Variants in DNAH8 observed in about 807,000 individuals in gnomAD.
DNAH8 encodes axonemal beta dynein heavy chain 8.
A neutral mutation model predicts 562.1 loss-of-function variants in DNAH8; 382 were observed. The observed-to-expected ratio is 0.68, with a 90% CI of 0.63 to 0.74. The LOEUF is 0.74. Among genes scored for constraint, DNAH8 ranks in the 30% least tolerant of loss-of-function variants. The pLI, the probability that DNAH8 is intolerant of heterozygous loss-of-function variation, is 0.00. For synonymous variants in DNAH8, 1,881 were observed against 1,919.4 expected, an observed-to-expected ratio of 0.98 and a Z score of 0.52; for missense variants, 5,203 against 5,620.4, an observed-to-expected ratio of 0.93 and a Z score of 2.37.
At chr6:38,799,744 A>G (rs1371103507) in intron 21 of DNAH8, among the ~76,000 whole-genome samples, 2 of 151,926 alleles carry the variant, frequency 1.3e-5, no homozygotes, top group Non-Finnish European at 2.9e-5. Context: ...CTTCGTCCTC[A>G]TTAGTCATTC....
rs756095011 is a variant in DNAH8 at position 38,848,632 on chromosome 6, C to T, written c.5046-16C>T. ...ATCTTCTTTGAAATGTGATTTTTTC[C>T]GTTCTTACCTTTTAGATACAATGCT... On this transcript the variant is annotated splice_polypyrimidine_tract_variant and intron_variant, in intron 36 of 92. Transcript: ENST00000327475. 9 of 1,586,980 alleles carry T rather than the reference C, an allele frequency of 5.7e-6. No homozygotes were observed. The highest frequency in any genetic ancestry group is 2.2e-5 in the East Asian group (1 of 44,554).
Position 38,883,921 on chromosome 6 carries a change from G to C in DNAH8, c.8182G>C (p.Gly2728Arg), listed in dbSNP as rs770575477. ...GGATAAGCGAATTGGAAGCACATAT[G>C]GGCCACCAGGAGGGAGAAAAATGAC... Reference protein sequence around the residue: ...YVDKRIGSTYGPPGGRKMTVF... With the variant: ...YVDKRIGSTYRPPGGRKMTVF... The change falls in exon 56 of 93, where the codon GGG becomes CGG. Residue 2728 changes from glycine to arginine, a missense_variant. Physicochemically the swap from Gly to Arg is moderately radical, Grantham distance 125. This residue lies in a region of DNAH8 where 977 missense variants were observed against 1,061.8 expected (regional missense o/e 0.92). Coordinates refer to ENST00000327475, the MANE Select transcript of DNAH8 (RefSeq NM_001206927.2). 1 of 1,591,846 alleles carries C rather than the reference G, an allele frequency of 6.3e-7. No individual in the cohort carries two copies. The highest frequency in any genetic ancestry group is 8.6e-7 in the Non-Finnish European group (1 of 1,167,674).
Position 38,815,544 on chromosome 6 carries a change from G to T in DNAH8, c.3410G>T (p.Gly1137Val). Residue 1137 changes from glycine (G) to valine (V), a missense_variant, in exon 26 of 93, where the codon GGA becomes GTA. Gly to Val is a moderately radical substitution (Grantham distance 109). Around this residue, in one of 6 missense-constraint regions of DNAH8, gnomAD observed 2,176 missense variants for 2,365.1 expected, o/e 0.92. Transcript: ENST00000327475. ...CAGTTAACCCTGGAGGTCAGCAGAGGAGTGGCTCACTGGGGGCAACAGCAA... is the reference window on the plus strand; with the variant it reads ...CAGTTAACCCTGGAGGTCAGCAGAGTAGTGGCTCACTGGGGGCAACAGCAA... ...MIQLTLEVSR[G>V]VAHWGQQQIR... 6 of 1,614,048 alleles carry T rather than the reference G, an allele frequency of 3.7e-6. No homozygotes were observed. Among genetic ancestry groups the T allele is most frequent in the Non-Finnish European group, 5.1e-6 (6 of 1,179,936 alleles).
At chr6:38,991,970 CTT>C (rs35933572) in intron 88 of DNAH8, among the ~76,000 whole-genome samples, 10 of 147,886 alleles carry the variant, frequency 6.8e-5, no homozygotes, top group Non-Finnish European at 9.0e-5. Context: ...ATACTCTACA[CTT>C]TTTTTTTTTT....
At chr6:38,914,311 GTTT>G (rs869139440) in intron 67 of DNAH8, among the ~76,000 whole-genome samples, 1 of 136,078 alleles carries the variant, frequency 7.3e-6, no homozygotes, top group Non-Finnish European at 1.6e-5. Flanking sequence ...AGTTGGTAGA[GTTT>G]TTTTTTTTAA....
At chr6:38,978,958 C>T (rs1297197375) in intron 85 of DNAH8, among the ~76,000 whole-genome samples, 2 of 152,216 alleles carry the variant, frequency 1.3e-5, no homozygotes, top group South Asian at 2.1e-4. Flanking sequence ...TCCCTTCTGT[C>T]GAATGAAGTT....
chr6:38,912,601 C>G (rs1256561206), intron 66 of DNAH8, among the ~76,000 whole-genome samples: 1 of 152,172 alleles, frequency 6.6e-6, no homozygotes, highest in African/African-American at 2.4e-5. Context: ...TTGCAGCTTT[C>G]CTATATGATG....
intron 49 of DNAH8, among the ~76,000 whole-genome samples, chr6:38,871,714 A>G (rs1777478214): frequency 6.6e-6 from 1 of 152,034 alleles, no homozygotes; most frequent in South Asian, 2.1e-4. Flanking sequence ...CTCTTGTACC[A>G]TTTCCACGTG....
chr6:38,844,143 C>A (rs1337874806), intron 35 of DNAH8, among the ~76,000 whole-genome samples: 1 of 152,008 alleles, frequency 6.6e-6, no homozygotes, highest in Non-Finnish European at 1.5e-5. Flanking sequence ...GACCCCAGCC[C>A]AGGTACTCCT....
Position 38,813,706 on chromosome 6 carries a change from A to G in DNAH8, c.3258-348A>G, listed in dbSNP as rs140607526. On this transcript the variant is annotated intron_variant, in intron 24 of 92. Coordinates refer to ENST00000327475, the MANE Select transcript of DNAH8 (RefSeq NM_001206927.2). ...CCTGTTTAATCTTGTGAAAATATAG[A>G]TAAAGAAGCATATAAAAGTATATGC... Among the ~76,000 whole-genome samples the G allele has an allele frequency of 3.7e-3, 565 of 152,280 alleles. 3 individuals are homozygous for G. The highest frequency in any genetic ancestry group is 0.013 in the African/African-American group (537 of 41,552).
chr6:38,817,357 CA>C (rs1292623720), intron 26 of DNAH8, among the ~76,000 whole-genome samples: 2 of 152,090 alleles, frequency 1.3e-5, no homozygotes, highest in East Asian at 3.9e-4. Context: ...AAACAAAAAA[CA>C]AAAACACCCC....
chr6:38,995,296 G>A lies in DNAH8; in HGVS notation c.13214+5124G>A, dbSNP rs1385238617. 4.6e-5 allele frequency among the ~76,000 whole-genome samples: 7 copies of A among 152,036 alleles called. No individual in the cohort carries two copies. The South Asian group carries it at 1.2e-3, about 27-fold the overall frequency. The stretch of plus-strand genomic sequence containing the variant: ...GGTTCGGAGGTATTATTCTCCTAAG[G>A]TAGTGATATACTCTATTAATGGTTC... On this transcript the variant is annotated intron_variant, in intron 88 of 92. Coordinates refer to ENST00000327475, the MANE Select transcript of DNAH8 (RefSeq NM_001206927.2).
At position 38,926,658 on chromosome 6, in the gene DNAH8, A is replaced by G. The variant is rs1254572530; in HGVS notation, c.11118+448A>G. ...GAGTAGACAAGGGCAGGATTCCAAC[A>G]TTCCTGACTCCCTTAGGGATTCTGT... is the stretch of plus-strand genomic sequence containing the variant. On this transcript the variant is annotated intron_variant, in intron 74 of 92. Transcript: ENST00000327475. 2.0e-5 allele frequency among the ~76,000 whole-genome samples: 3 copies of G among 152,146 alleles called. No individual in the cohort carries two copies. The East Asian group carries it at 5.8e-4, about 29-fold the overall frequency.
intron 1 of DNAH8, 49 bp from the exon 2 acceptor site, chr6:38,722,727 C>T (rs866656092): frequency 7.1e-7 from 1 of 1,414,970 alleles, no homozygotes; most frequent in Middle Eastern, 2.0e-4. Flanking sequence ...TAAAAACGTA[C>T]AACACTCAAT....
intron 57 of DNAH8, among the ~76,000 whole-genome samples, chr6:38,888,878 T>C (rs887414642): frequency 6.6e-6 from 1 of 152,230 alleles, no homozygotes; most frequent in African/African-American, 2.4e-5. Context: ...GTACCACTTC[T>C]AGGTTTATGC....
At position 38,876,339 on chromosome 6, in the gene DNAH8, T is replaced by G. The variant is rs182412757; in HGVS notation, c.7858+511T>G. 8.5e-5 allele frequency among the ~76,000 whole-genome samples: 12 copies of G among 141,092 alleles called. No individual in the cohort carries two copies. The East Asian group carries it at 3.1e-3, about 37-fold the overall frequency. The allele number at this position is 141,092 out of a possible 152,430, so 92.6% of individuals were successfully genotyped here. Reference sequence around the variant, plus strand: ...TTAAAAGAAATGCCTTTGAACTTGGTGCTTTCATCCAGAGCCCAGGCCCTG... The same window carrying G: ...TTAAAAGAAATGCCTTTGAACTTGGGGCTTTCATCCAGAGCCCAGGCCCTG... On this transcript the variant is annotated intron_variant, in intron 53 of 92. Transcript: ENST00000327475.
At chr6:38,808,206 C>T (rs529847109) in intron 24 of DNAH8, among the ~76,000 whole-genome samples, 34 of 152,282 alleles carry the variant, frequency 2.2e-4, no homozygotes, top group African/African-American at 7.9e-4. Context: ...TTTTTGCTAT[C>T]ATGAATAAAG....
intron 73 of DNAH8, among the ~76,000 whole-genome samples, 185 bp downstream of exon 73, chr6:38,924,347 A>G (rs1336655340): frequency 6.6e-6 from 1 of 152,062 alleles, no homozygotes; most frequent in South Asian, 2.1e-4. Context: ...CCCCATCTCT[A>G]CTAAAAATAC....
chr6:38,844,758 A>C (rs528696764), intron 35 of DNAH8, among the ~76,000 whole-genome samples: 1 of 152,270 alleles, frequency 6.6e-6, no homozygotes, highest in Admixed American at 6.5e-5. Flanking sequence ...TACTGGACTC[A>C]CTGCCTCTAA....
Sources: gnomAD v4.1 joint callset for allele counts (sites outside exome capture counted in the v4.1 genomes callset) on GRCh38, gnomAD v4.1.1 for gene constraint, gnomAD v4.1.1 regional missense constraint, MANE v1.5 for transcripts, NCBI Gene and HGNC (gene_info 2026-07-23, HGNC 2026-07-21) for gene names.